Variants in CREG2 observed in about 807,000 individuals in gnomAD.
CREG2 encodes protein CREG2.
A neutral mutation model predicts 26.2 loss-of-function variants in CREG2; 24 were observed. The observed-to-expected ratio is 0.92, with a 90% CI of 0.66 to 1.29. The LOEUF (loss-of-function observed/expected upper bound fraction) is 1.29, where lower values mean the gene tolerates loss of function less well. Among genes scored for constraint, CREG2 ranks in the 50% most tolerant of loss-of-function variants. The pLI, the probability that CREG2 is intolerant of heterozygous loss-of-function variation, is 0.00. For missense variants in CREG2, 366 were observed against 398.6 expected (o/e 0.92, Z 0.70); for synonymous variants, 174 against 169.2 (o/e 1.03, Z -0.22).
intron 2 of CREG2, among the ~76,000 whole-genome samples, chr2:101,360,887 G>A (rs1387070284): frequency 6.6e-6 from 1 of 152,156 alleles, no homozygotes; most frequent in African/African-American, 2.4e-5. Context: ...CTATATCTTT[G>A]TAAAAATAAC....
intron 2 of CREG2, among the ~76,000 whole-genome samples, chr2:101,381,072 C>G (rs1006229744): frequency 6.6e-6 from 1 of 152,174 alleles, no homozygotes; most frequent in Non-Finnish European, 1.5e-5. Flanking sequence ...CATCGTAAGA[C>G]ATGGGCGCTT....
At chr2:101,378,441 T>C (rs1303847456) in intron 2 of CREG2, among the ~76,000 whole-genome samples, 1 of 152,214 alleles carries the variant, frequency 6.6e-6, no homozygotes, top group Non-Finnish European at 1.5e-5. Flanking sequence ...CAATAATACG[T>C]CCCTCTCATC....
At chr2:101,385,268 C>T (rs1684949391) in intron 1 of CREG2, among the ~76,000 whole-genome samples, 1 of 152,234 alleles carries the variant, frequency 6.6e-6, no homozygotes, top group South Asian at 2.1e-4. Flanking sequence ...CTGCAGCCTC[C>T]GTCTCCTGGG....
chr2:101,368,316 GA>G (rs56011125), intron 2 of CREG2, among the ~76,000 whole-genome samples: 19,338 of 142,922 alleles, frequency 0.14, 1,460 homozygotes, highest in East Asian at 0.23. Context: ...AAAGAAAAAA[GA>G]AAAAAAAAAA....
At chr2:101,361,623 C>T (rs928561578) in intron 2 of CREG2, among the ~76,000 whole-genome samples, 4 of 152,160 alleles carry the variant, frequency 2.6e-5, no homozygotes, top group Non-Finnish European at 5.9e-5. Context: ...TCTGGTGAGT[C>T]CTCTTTTGGA....
At chr2:101,355,417 C>T in intron 2 of CREG2, 51 bp from the exon 3 acceptor site, 3 of 1,159,518 alleles carry the variant, frequency 2.6e-6, no homozygotes, top group African/African-American at 1.5e-5. Flanking sequence ...AGAACATCAG[C>T]CAGCAATTCT....
intron 3 of CREG2, among the ~76,000 whole-genome samples, chr2:101,353,169 T>G (rs1164135885): frequency 6.6e-6 from 1 of 152,240 alleles, no homozygotes; most frequent in Admixed American, 6.5e-5. Context: ...CTTTGTCAGA[T>G]GGGTCGATTG....
At chr2:101,366,764 G>A (rs1172742545) in intron 2 of CREG2, among the ~76,000 whole-genome samples, 2 of 152,172 alleles carry the variant, frequency 1.3e-5, no homozygotes, top group African/African-American at 4.8e-5. Flanking sequence ...GGAGGTTGCA[G>A]TGAGCCGAGA....
At chr2:101,352,993 G>A (rs761681392) in intron 3 of CREG2, among the ~76,000 whole-genome samples, 2 of 152,182 alleles carry the variant, frequency 1.3e-5, no homozygotes, top group Non-Finnish European at 2.9e-5. Flanking sequence ...AAAGCTGGAG[G>A]TAAAGGGATC....
rs151082838 is a variant in CREG2, at chr2:101,356,719, T to G, written c.612-1353A>C. On this transcript the variant is annotated intron_variant, in intron 2 of 3. Coordinates refer to ENST00000324768, the MANE Select transcript of CREG2 (RefSeq NM_153836.4). ...GCTTTCAAATATTGCTGTCAGAACC[T>G]GCACTGGAGGGTTCCTTAATCAGCA... Among the ~76,000 whole-genome samples the G allele has an allele frequency of 4.6e-4, 70 of 152,266 alleles. 1 individual carries two copies. Among genetic ancestry groups the G allele is most frequent in the African/African-American group, 1.5e-3 (63 of 41,554 alleles).
At chr2:101,351,208 G>T (rs150807813) in intron 3 of CREG2, 138 bp from the exon 4 acceptor site, 2 of 807,496 alleles carry the variant, frequency 2.5e-6, no homozygotes, top group Non-Finnish European at 3.7e-6. Flanking sequence ...GAACCAGGGA[G>T]CTGAGTGTCA....
chr2:101,384,161 C>T (rs1033389014), intron 1 of CREG2, among the ~76,000 whole-genome samples: 8 of 152,178 alleles, frequency 5.3e-5, no homozygotes, highest in African/African-American at 7.2e-5. Flanking sequence ...AAGTCTTTAA[C>T]GTCTTGCCTG....
At chr2:101,364,958 A>G (rs1300179388) in intron 2 of CREG2, among the ~76,000 whole-genome samples, 3 of 152,206 alleles carry the variant, frequency 2.0e-5, no homozygotes, top group Admixed American at 6.5e-5. Context: ...TGGTCCAAGC[A>G]TGTTGCAGGA....
intron 2 of CREG2, among the ~76,000 whole-genome samples, chr2:101,377,616 G>A (rs1684812528): frequency 6.6e-6 from 1 of 152,180 alleles, no homozygotes; most frequent in African/African-American, 2.4e-5. Context: ...GCCATGGAGG[G>A]AGAGGGAAAT....
chr2:101,348,285 CT>C lies in CREG2; in HGVS notation c.*2637del, dbSNP rs2104466167. The C allele has an allele frequency of 6.6e-6, 1 of 152,302 alleles. No individual in the cohort carries two copies. The highest frequency in any genetic ancestry group is 2.4e-5 in the African/African-American group (1 of 41,574). The allele number at this position is 152,302 out of a possible 1,614,324, so 9.4% of individuals were successfully genotyped here. ...AAGACTGTTTTAGCTATTTCAATGCCTGTGCCTTTCCATGTAACTTTTAAAA... is the reference window on the plus strand; with the variant it reads ...AAGACTGTTTTAGCTATTTCAATGCCGTGCCTTTCCATGTAACTTTTAAAA... On this transcript the variant is annotated 3_prime_UTR_variant, in exon 4 of 4. Coordinates refer to ENST00000324768, the MANE Select transcript of CREG2 (RefSeq NM_153836.4).
At chr2:101,355,788 T>C (rs2104470609) in intron 2 of CREG2, among the ~76,000 whole-genome samples, 1 of 151,784 alleles carries the variant, frequency 6.6e-6, no homozygotes, top group East Asian at 1.9e-4. Flanking sequence ...GGAGCTGGGG[T>C]GAGTGCCTTT....
At chr2:101,356,003 C>G (rs1412072877) in intron 2 of CREG2, among the ~76,000 whole-genome samples, 1 of 152,032 alleles carries the variant, frequency 6.6e-6, no homozygotes, top group East Asian at 1.9e-4. Flanking sequence ...GTCATACAGA[C>G]TTAAAGGCTG....
In CREG2 at chr2:101,346,228, CTA is replaced by C. The variant is rs1439467571; in HGVS notation, c.*4693_*4694del. On this transcript the variant is annotated 3_prime_UTR_variant, in exon 4 of 4. Coordinates refer to ENST00000324768, the MANE Select transcript of CREG2 (RefSeq NM_153836.4). The stretch of plus-strand genomic sequence containing the variant: ...AAATAAGTAACATCAGAATTATACT[CTA>C]TGTCAAAATCATGGATATATATAGT... 2.0e-5 allele frequency: 3 copies of C among 152,110 alleles called. No homozygotes were observed. Among genetic ancestry groups the C allele is most frequent in the Admixed American group, 6.6e-5 (1 of 15,258 alleles). 9.4% of individuals were successfully genotyped at this position (152,110 alleles called of 1,614,324 possible). A position where few individuals can be genotyped will look rare whatever the true frequency, so the allele number is the denominator to read the frequency against.
chr2:101,354,294 GCA>G (rs1293011397), intron 3 of CREG2, among the ~76,000 whole-genome samples: 1 of 151,978 alleles, frequency 6.6e-6, no homozygotes, highest in Non-Finnish European at 1.5e-5. Context: ...ACGTTTGTGC[GCA>G]CACACACACG....
Sources: allele counts gnomAD v4.1 joint callset (sites outside exome capture counted in the v4.1 genomes callset), GRCh38; gene constraint gnomAD v4.1.1; transcripts MANE v1.5; gene names NCBI Gene and HGNC (gene_info 2026-07-23, HGNC 2026-07-21).